The following ATP8A1 variants were observed in gnomAD, a reference collection of about 807,000 sequenced individuals.
The protein encoded by ATP8A1 is phospholipid-transporting ATPase IA.
In ATP8A1, 90 loss-of-function variants were observed where a neutral mutation model predicts 177.7. That is an observed-to-expected ratio of 0.51 (90% CI 0.43 to 0.60). The LOEUF (loss-of-function observed/expected upper bound fraction) is 0.60. ATP8A1 is among the 20% of genes least tolerant of loss of function. The pLI is 0.00. For missense variants in ATP8A1, 1,072 were observed against 1,392.8 expected, an observed-to-expected ratio of 0.77 and a Z score of 3.67; for synonymous variants, 493 against 485.9, an observed-to-expected ratio of 1.01 and a Z score of -0.19.
Position 42,452,077 on chromosome 4 carries a change from T to A in ATP8A1, c.2818-18A>T, listed in dbSNP as rs764413688. 1.3e-6 allele frequency: 2 copies of A among 1,585,916 alleles called. No homozygotes were observed. Among genetic ancestry groups the A allele is most frequent in the African/African-American group, 2.7e-5 (2 of 74,400 alleles). On this transcript the variant is annotated intron_variant, in intron 29 of 36. Transcript: ENST00000381668. Reference sequence around the variant, plus strand: ...CAGAAAACCTGAGGGAAAACAAAAATCCATGAGAACCATTTGCGATAAACT... The same window carrying A: ...CAGAAAACCTGAGGGAAAACAAAAAACCATGAGAACCATTTGCGATAAACT...
At position 42,450,707 on chromosome 4, in the gene ATP8A1, C is replaced by T. The variant is rs1166176081; in HGVS notation, c.2896+1274G>A. ...TGCCTTCTTTGTAATACTCACCTCG[C>T]TTATGCCACAAGCTCTTGGTAATTC... On this transcript the variant is annotated intron_variant, in intron 30 of 36. Transcript: ENST00000381668. Among the ~76,000 whole-genome samples, 3 of 152,198 alleles carry T rather than the reference C, an allele frequency of 2.0e-5. No homozygotes were observed. In the South Asian group the frequency reaches 6.2e-4, roughly 32 times the overall value.
At chr4:42,538,693 A>G (rs957419473) in intron 20 of ATP8A1, among the ~76,000 whole-genome samples, 1 of 152,250 alleles carries the variant, frequency 6.6e-6, no homozygotes, top group African/African-American at 2.4e-5. Flanking sequence ...AATGCAAATC[A>G]TAACCACAAT....
At chr4:42,468,021 A>T (rs1719978217) in intron 25 of ATP8A1, among the ~76,000 whole-genome samples, 2 of 152,170 alleles carry the variant, frequency 1.3e-5, no homozygotes, top group South Asian at 4.1e-4. Flanking sequence ...TCAAAACCAC[A>T]ATGCGATACC....
intron 11 of ATP8A1, 124 bp from the exon 12 acceptor site, chr4:42,578,511 T>C (rs1353351193): frequency 9.5e-7 from 1 of 1,052,314 alleles, no homozygotes; most frequent in Admixed American, 2.3e-5. Flanking sequence ...AGGAACACTT[T>C]GCTGATAATC....
intron 1 of ATP8A1, among the ~76,000 whole-genome samples, chr4:42,644,713 G>A (rs953408422): frequency 6.6e-6 from 1 of 151,564 alleles, no homozygotes; most frequent in Non-Finnish European, 1.5e-5. Flanking sequence ...CCATCAGAGC[G>A]GCCACCGAGA....
At chr4:42,444,661 T>C in intron 31 of ATP8A1, 27 bp from the exon 32 acceptor site, 6 of 1,606,392 alleles carry the variant, frequency 3.7e-6, no homozygotes, top group Non-Finnish European at 5.1e-6. Context: ...AAATGTTATT[T>C]TACCTCATAA....
At chr4:42,609,981 T>C (rs771288320) in intron 5 of ATP8A1, among the ~76,000 whole-genome samples, 8 of 152,080 alleles carry the variant, frequency 5.3e-5, no homozygotes, top group Non-Finnish European at 1.2e-4. Context: ...ACAGACTATT[T>C]GCTATTTCCA....
At chr4:42,599,513 A>G (rs73166505) in intron 6 of ATP8A1, among the ~76,000 whole-genome samples, 6,301 of 152,276 alleles carry the variant, frequency 0.041, 171 homozygotes, top group African/African-American at 0.076. Context: ...CAACTATATG[A>G]AAGAGGAGAT....
At chr4:42,615,789 A>T (rs1402511220) in intron 5 of ATP8A1, among the ~76,000 whole-genome samples, 2 of 152,218 alleles carry the variant, frequency 1.3e-5, no homozygotes, top group Non-Finnish European at 2.9e-5. Flanking sequence ...TATTTGAGAG[A>T]CTATTGCTAT....
chr4:42,596,634 T>G (rs1252998739), intron 6 of ATP8A1, among the ~76,000 whole-genome samples: 1 of 133,742 alleles, frequency 7.5e-6, no homozygotes, highest in Non-Finnish European at 1.5e-5. Flanking sequence ...GCCACTGCAT[T>G]CCAACCTGGG....
At chr4:42,644,247 T>G (rs1348228914) in intron 1 of ATP8A1, among the ~76,000 whole-genome samples, 2 of 152,222 alleles carry the variant, frequency 1.3e-5, no homozygotes, top group Non-Finnish European at 2.9e-5. Context: ...GAAATTCACT[T>G]AATAAGTTCA....
chr4:42,435,412 G>C (rs1715806546), intron 33 of ATP8A1, among the ~76,000 whole-genome samples: 1 of 132,018 alleles, frequency 7.6e-6, no homozygotes, highest in Non-Finnish European at 1.6e-5. Flanking sequence ...GGGGACAAGA[G>C]CGAGACTTCA....
chr4:42,656,613 G>C (rs1463627333), intron 1 of ATP8A1, among the ~76,000 whole-genome samples: 4 of 152,146 alleles, frequency 2.6e-5, no homozygotes, highest in Non-Finnish European at 5.9e-5. Flanking sequence ...CTCCCGCGGA[G>C]AACACCCATT....
At chr4:42,534,339 C>A (rs1437168047) in intron 20 of ATP8A1, among the ~76,000 whole-genome samples, 1 of 152,026 alleles carries the variant, frequency 6.6e-6, no homozygotes, top group African/African-American at 2.4e-5. Flanking sequence ...CAATCACAAC[C>A]TCTGGAAATG....
intron 24 of ATP8A1, among the ~76,000 whole-genome samples, chr4:42,491,262 T>C (rs1032319173): frequency 3.3e-5 from 5 of 152,194 alleles, no homozygotes; most frequent in African/African-American, 9.6e-5. Context: ...AGAAATAATA[T>C]TTATTTGGTT....
chr4:42,537,109 GC>G (rs771431294), intron 20 of ATP8A1, among the ~76,000 whole-genome samples: 20 of 143,834 alleles, frequency 1.4e-4, no homozygotes, highest in Non-Finnish European at 2.7e-4. Flanking sequence ...TCCAGCCTGG[GC>G]AAAAAGAGCG....
intron 33 of ATP8A1, among the ~76,000 whole-genome samples, chr4:42,436,046 A>C (rs61170123): frequency 0.19 from 29,292 of 152,096 alleles, 3,087 homozygotes; most frequent in South Asian, 0.3. Flanking sequence ...CCTGGCACCA[A>C]TTAAGTCCTC....
rs1732679666 is a variant in ATP8A1, at chr4:42,578,363, A to C, written c.1025T>G (p.Leu342Arg). The change falls in exon 12 of 37, where the codon CTG becomes CGG. Residue 342 changes from leucine (L) to arginine (R), a missense_variant. Physicochemically the swap from Leu to Arg is moderately radical, Grantham distance 102 (BLOSUM62 -2). Around this residue, in one of 5 missense-constraint regions of ATP8A1, gnomAD observed 20 missense variants for 51.3 expected, o/e 0.39. Transcript: ENST00000381668. ...AAGGATGATGAAGGTCAAGAAATTC[A>C]GTCCAAAATTACTAGCGCCACCATC... Reference protein sequence around the residue: ...LNYGGASNFGLNFLTFIILFN... With the variant: ...LNYGGASNFGRNFLTFIILFN... 4 of 1,612,846 alleles carry C rather than the reference A, an allele frequency of 2.5e-6. No individual in the cohort carries two copies. Among genetic ancestry groups the C allele is most frequent in the Non-Finnish European group, 3.4e-6 (4 of 1,179,266 alleles).
intron 25 of ATP8A1, among the ~76,000 whole-genome samples, chr4:42,476,066 C>T (rs1044518306): frequency 1.3e-5 from 2 of 151,856 alleles, no homozygotes; most frequent in Non-Finnish European, 2.9e-5. Flanking sequence ...ATACTAAAAC[C>T]AGAGAAGTAA....
Sources: allele counts gnomAD v4.1 joint callset (sites outside exome capture counted in the v4.1 genomes callset), GRCh38; gene constraint gnomAD v4.1.1; regional missense constraint gnomAD v4.1.1; transcripts MANE v1.5; gene names NCBI Gene and HGNC (gene_info 2026-07-23, HGNC 2026-07-21).